The following SH2D4A variants were observed in gnomAD, a reference collection of about 807,000 sequenced individuals.
The protein encoded by SH2D4A is SH2 domain containing 4A.
A neutral mutation model predicts 64.7 loss-of-function variants in SH2D4A; 70 were observed. The observed-to-expected ratio is 1.08, with a 90% CI of 0.89 to 1.32. The LOEUF is 1.32. SH2D4A is among the 40% of genes most tolerant of loss of function. The pLI is 0.00. For synonymous variants in SH2D4A, 268 were observed against 200.7 expected, an observed-to-expected ratio of 1.34 and a Z score of -2.83; for missense variants, 706 against 540.1, an observed-to-expected ratio of 1.31 and a Z score of -3.04.
At chr8:19,376,616 C>G (rs2053200944) in intron 8 of SH2D4A, among the ~76,000 whole-genome samples, 1 of 152,088 alleles carries the variant, frequency 6.6e-6, no homozygotes, top group Admixed American at 6.6e-5. Flanking sequence ...GAGTGCTACT[C>G]TGTCTCAAAA....
intron 8 of SH2D4A, among the ~76,000 whole-genome samples, chr8:19,386,382 T>C (rs2053391958): frequency 1.3e-5 from 2 of 152,220 alleles, no homozygotes; most frequent in Admixed American, 1.3e-4. Context: ...TCTCATAAAT[T>C]AGTGCAGCAG....
At chr8:19,387,846 C>T (rs1437936399) in intron 8 of SH2D4A, among the ~76,000 whole-genome samples, 2 of 152,156 alleles carry the variant, frequency 1.3e-5, no homozygotes, top group Middle Eastern at 3.2e-3. Context: ...ATTTGTAAAG[C>T]ATGAAGAACT....
At chr8:19,313,913 G>T in intron 1 of SH2D4A, 90 bp downstream of exon 1, 1 of 1,329,266 alleles carries the variant, frequency 7.5e-7, no homozygotes, top group South Asian at 1.9e-5. Flanking sequence ...TTGCATGGGT[G>T]CATGGGAGGC....
chr8:19,322,251 T>G (rs2052203362), intron 2 of SH2D4A, among the ~76,000 whole-genome samples: 1 of 152,190 alleles, frequency 6.6e-6, no homozygotes, highest in Non-Finnish European at 1.5e-5. Flanking sequence ...GGTGCTTATC[T>G]GTGCTGCAGA....
At chr8:19,313,942 G>T (rs942589396) in intron 1 of SH2D4A, 119 bp downstream of exon 1, 82 of 1,281,608 alleles carry the variant, frequency 6.4e-5, no homozygotes, top group Non-Finnish European at 7.8e-5. Flanking sequence ...CAGAGCGGGC[G>T]GGCGGAAGCC....
intron 2 of SH2D4A, among the ~76,000 whole-genome samples, chr8:19,322,970 C>T (rs1043683051): frequency 3.3e-5 from 5 of 152,030 alleles, no homozygotes; most frequent in Admixed American, 1.3e-4. Context: ...CCACCGTGCC[C>T]GACTTGTCTA....
Position 19,334,856 on chromosome 8 carries a change from G to C in SH2D4A, c.512G>C (p.Arg171Pro). The C allele has an allele frequency of 6.2e-7, 1 of 1,603,424 alleles. No individual in the cohort carries two copies. Among genetic ancestry groups the C allele is most frequent in the Non-Finnish European group, 8.5e-7 (1 of 1,177,160 alleles). Residue 171 changes from arginine (R) to proline (P), a missense_variant and splice_region_variant, in exon 4 of 10, where the codon CGA becomes CCA. Physicochemically the swap from Arg to Pro is moderately radical, Grantham distance 103 (BLOSUM62 -2). Transcript: ENST00000265807. ...CCAACCCTGGAAGAAGAGAAAATCC[G>C]AGTGAGTCCTTACTGTCTGTAGACG... ...PAPTLEEEKI[R>P]SLSSSSRNIQ...
In SH2D4A at chr8:19,361,281, A is replaced by G. The variant is rs773826779; in HGVS notation, c.673A>G (p.Ser225Gly). Residue 225 changes from serine (S) to glycine (G), a missense_variant, in exon 6 of 10, where the codon AGC (serine) becomes GGC (glycine). By Grantham distance (56) the Ser-to-Gly change is moderately conservative (BLOSUM62 0). Transcript: ENST00000265807. ...EEERTKQICK[S>G]WKEDSEWQAS... is the part of the protein sequence containing the mutation. The stretch of plus-strand genomic sequence containing the variant: ...AGAGAGAACGAAGCAGATTTGTAAG[A>G]GCTGGAAAGAAGACTCGGAATGGCA... 5 of 1,612,276 alleles carry G rather than the reference A, an allele frequency of 3.1e-6. No homozygotes were observed. The South Asian group carries it at 5.5e-5, about 18-fold the overall frequency.
intron 1 of SH2D4A, among the ~76,000 whole-genome samples, chr8:19,314,824 G>A (rs1451549232): frequency 1.3e-5 from 2 of 152,200 alleles, no homozygotes; most frequent in East Asian, 3.8e-4. Flanking sequence ...AATTTCTGAA[G>A]AATAGTATAT....
chr8:19,364,910 G>A (rs920614572), intron 7 of SH2D4A, among the ~76,000 whole-genome samples: 4 of 152,152 alleles, frequency 2.6e-5, no homozygotes, highest in African/African-American at 9.7e-5. Context: ...CATTTGTTCT[G>A]GAAAAACTGT....
chr8:19,349,656 T>A (rs755905609), intron 4 of SH2D4A, among the ~76,000 whole-genome samples: 4 of 152,248 alleles, frequency 2.6e-5, no homozygotes, highest in African/African-American at 9.6e-5. Flanking sequence ...TTAAAGTAGC[T>A]ACATGCCATT....
intron 8 of SH2D4A, among the ~76,000 whole-genome samples, chr8:19,388,951 GGATGGAGGGGAAAACTAGCTGAGTACACA>G (rs2053436643): frequency 6.6e-6 from 1 of 152,174 alleles, no homozygotes; most frequent in Non-Finnish European, 1.5e-5. Context: ...GAGGATTCTT[GGATGGAGGGGAAAACTAGCTGAGTACACA>G]GATGGAGGTA....
chr8:19,325,409 A>T (rs2052261520), intron 2 of SH2D4A, among the ~76,000 whole-genome samples: 2 of 152,200 alleles, frequency 1.3e-5, no homozygotes, highest in Admixed American at 1.3e-4. Flanking sequence ...CATAATTTGC[A>T]TGAGTCAGTG....
At chr8:19,370,347 C>G (rs1008049449) in intron 7 of SH2D4A, among the ~76,000 whole-genome samples, 1 of 152,030 alleles carries the variant, frequency 6.6e-6, no homozygotes, top group Admixed American at 6.5e-5. Flanking sequence ...TGTTGAAGTC[C>G]TCTACTATTG....
chr8:19,322,612 C>CT (rs33946166), intron 2 of SH2D4A, among the ~76,000 whole-genome samples: 1,749 of 126,748 alleles, frequency 0.014, 20 homozygotes, highest in African/African-American at 0.033. Context: ...GTCTATTATT[C>CT]TTTTTTTTTT....
intron 2 of SH2D4A, among the ~76,000 whole-genome samples, chr8:19,326,429 A>G (rs10113717): frequency 0.074 from 11,320 of 152,160 alleles, 1,437 homozygotes; most frequent in African/African-American, 0.26. Flanking sequence ...CCAGCATGGT[A>G]ACAACCTTGG....
intron 8 of SH2D4A, among the ~76,000 whole-genome samples, chr8:19,378,499 G>C (rs549642181): frequency 1.3e-5 from 2 of 152,136 alleles, no homozygotes; most frequent in Admixed American, 1.3e-4. Flanking sequence ...GCAGTGGCAC[G>C]ATCTTGGCAT....
intron 7 of SH2D4A, 87 bp downstream of exon 7, chr8:19,364,369 G>GC: frequency 6.8e-7 from 1 of 1,464,548 alleles, no homozygotes; most frequent in Non-Finnish European, 9.3e-7. Flanking sequence ...TGTATGAGCT[G>GC]CCATGGGGTG....
chr8:19,331,386 G>A (rs2052363166), intron 2 of SH2D4A, among the ~76,000 whole-genome samples: 1 of 152,148 alleles, frequency 6.6e-6, no homozygotes, highest in South Asian at 2.1e-4. Flanking sequence ...TGCTAGTTTG[G>A]GGTCTTGACT....
Sources: gnomAD v4.1 joint callset for allele counts (sites outside exome capture counted in the v4.1 genomes callset) on GRCh38, gnomAD v4.1.1 for gene constraint, MANE v1.5 for transcripts, NCBI Gene and HGNC (gene_info 2026-07-23, HGNC 2026-07-21) for gene names.